Variants in GARIN2 observed in about 807,000 individuals in gnomAD.
The protein encoded by GARIN2 is Golgi-associated RAB2 interactor protein 2.
chr14:67,202,785 T>C, the GARIN2 span, among the ~76,000 whole-genome samples: 1 of 152,234 alleles, frequency 6.6e-6, no homozygotes, highest in Non-Finnish European at 1.5e-5. Context: ...CACTCTAAGC[T>C]AAGTCAAGTC....
chr14:67,225,828 C>A, the GARIN2 span, among the ~76,000 whole-genome samples: 1 of 152,030 alleles, frequency 6.6e-6, no homozygotes, highest in Non-Finnish European at 1.5e-5. Flanking sequence ...CTTCTCTCAG[C>A]CATGATAACA....
chr14:67,208,749 T>C, the GARIN2 span, among the ~76,000 whole-genome samples: 2 of 151,932 alleles, frequency 1.3e-5, no homozygotes, highest in African/African-American at 2.4e-5. Context: ...CTACAAAAAT[T>C]AGCCAGGCGC....
chr14:67,227,317 G>A, the GARIN2 span, among the ~76,000 whole-genome samples: 23,624 of 151,656 alleles, frequency 0.16, 3,472 homozygotes, highest in East Asian at 0.42. Context: ...GCGCATGACT[G>A]TAGTCCCAGC....
chr14:67,204,398 C>T, the GARIN2 span: 7 of 1,223,920 alleles, frequency 5.7e-6, no homozygotes, highest in Non-Finnish European at 5.4e-6. Context: ...ATGATCGCAT[C>T]ACCACTGCAC....
At chr14:67,212,522 T>C in the GARIN2 span, among the ~76,000 whole-genome samples, 1 of 149,728 alleles carries the variant, frequency 6.7e-6, no homozygotes, top group Non-Finnish European at 1.5e-5. Flanking sequence ...TCCTGGGGGG[T>C]TGAGGCTGCA....
chr14:67,203,089 C>A, the GARIN2 span: 1 of 1,610,414 alleles, frequency 6.2e-7, no homozygotes, highest in Non-Finnish European at 8.5e-7. Context: ...GTTTTCTGCA[C>A]TCAGGTCAAC....
At chr14:67,220,444 G>GA in the GARIN2 span, among the ~76,000 whole-genome samples, 160 of 137,394 alleles carry the variant, frequency 1.2e-3, no homozygotes, top group Admixed American at 1.2e-3. Flanking sequence ...CTTTTCTCAG[G>GA]AAAAAAAAAA....
the GARIN2 span, among the ~76,000 whole-genome samples, chr14:67,195,824 A>G: frequency 6.6e-6 from 1 of 150,646 alleles, no homozygotes; most frequent in Non-Finnish European, 1.5e-5. Context: ...GCTCACTGCC[A>G]TCTCCGCCTC....
At chr14:67,223,252 G>A in the GARIN2 span, among the ~76,000 whole-genome samples, 3 of 152,026 alleles carry the variant, frequency 2.0e-5, no homozygotes, top group Non-Finnish European at 2.9e-5. Flanking sequence ...CCCCTGCCTT[G>A]GCCTCCCAAA....
At chr14:67,208,896 C>CA in the GARIN2 span, among the ~76,000 whole-genome samples, 4,767 of 65,364 alleles carry the variant, frequency 0.073, 91 homozygotes, top group African/African-American at 0.097. Flanking sequence ...AACTCTGTCT[C>CA]AAAAAAAAAA....
the GARIN2 span, among the ~76,000 whole-genome samples, chr14:67,195,434 A>T: frequency 6.6e-6 from 1 of 152,146 alleles, no homozygotes; most frequent in African/African-American, 2.4e-5. Flanking sequence ...AAATGACAGC[A>T]GTGGAAAGGG....
the GARIN2 span, among the ~76,000 whole-genome samples, chr14:67,190,799 T>C: frequency 7.2e-5 from 11 of 152,176 alleles, no homozygotes; most frequent in Non-Finnish European, 1.3e-4. Context: ...CCTAAAAATA[T>C]GTTTATTAGT....
At chr14:67,191,609 A>G in the GARIN2 span, among the ~76,000 whole-genome samples, 1 of 152,152 alleles carries the variant, frequency 6.6e-6, no homozygotes. Flanking sequence ...CACCCCTACC[A>G]CAGGGTGAAC....
At chr14:67,203,836 C>T in the GARIN2 span, among the ~76,000 whole-genome samples, 1 of 152,134 alleles carries the variant, frequency 6.6e-6, no homozygotes, top group Non-Finnish European at 1.5e-5. Context: ...CTCAGCCTCC[C>T]GAGTATCTGG....
chr14:67,195,798 C>T, the GARIN2 span, among the ~76,000 whole-genome samples: 1 of 150,844 alleles, frequency 6.6e-6, no homozygotes, highest in Admixed American at 6.6e-5. Context: ...GGCTGGAGTG[C>T]AGTGGCACGA....
At chr14:67,201,461 A>G in the GARIN2 span, 1 of 456,078 alleles carries the variant, frequency 2.2e-6, no homozygotes, top group East Asian at 6.9e-5. Flanking sequence ...ACATCTAAAC[A>G]GGACAATGAT....
the GARIN2 span, chr14:67,208,284 TCAC>T: frequency 1.2e-5 from 19 of 1,613,982 alleles, no homozygotes; most frequent in South Asian, 2.0e-4. Flanking sequence ...TCAAAACATG[TCAC>T]CATCTCAAAC....
the GARIN2 span, among the ~76,000 whole-genome samples, chr14:67,207,123 A>G: frequency 1.3e-5 from 2 of 152,216 alleles, no homozygotes; most frequent in Non-Finnish European, 2.9e-5. Context: ...ATTTTTAAGG[A>G]AATGTAATAG....
chr14:67,207,328 A>G, the GARIN2 span, among the ~76,000 whole-genome samples: 1 of 152,066 alleles, frequency 6.6e-6, no homozygotes, highest in Non-Finnish European at 1.5e-5. Context: ...TCACATGGCC[A>G]GAGAGAGAGC....
Sources: allele counts gnomAD v4.1 joint callset (sites outside exome capture counted in the v4.1 genomes callset), GRCh38; gene constraint gnomAD v4.1.1; transcripts MANE v1.5; gene names NCBI Gene and HGNC (gene_info 2026-07-23, HGNC 2026-07-21).